CADM4: variants seen among roughly 807,000 people sequenced by gnomAD.
CADM4 encodes cell adhesion molecule 4.
A neutral mutation model predicts 43.9 loss-of-function variants in CADM4; 13 were observed. The ratio of observed to expected loss-of-function variants is 0.30; its 90% CI spans 0.19 to 0.47. CADM4 has a LOEUF of 0.47. Among genes scored for constraint, CADM4 ranks in the 20% least tolerant of loss-of-function variants. The pLI is 1.00. For missense variants in CADM4, 420 were observed against 527.0 expected, an observed-to-expected ratio of 0.80 and a Z score of 1.99; for synonymous variants, 209 against 220.9, an observed-to-expected ratio of 0.95 and a Z score of 0.48.
chr19:43,626,448 C>T lies in CADM4; in HGVS notation c.500-160G>A, dbSNP rs973818402. Among the ~76,000 whole-genome samples the T allele has an allele frequency of 3.9e-5, 6 of 152,104 alleles. No individual in the cohort carries two copies. The highest frequency in any genetic ancestry group is 7.3e-5 in the Non-Finnish European group (5 of 68,036). ...TACGCCCCTCCCCTAACCAAGCCCA[C>T]GTGCCTCCTCCCAAAGCTCTTCCCT... On this transcript the variant is annotated intron_variant, in intron 4 of 8. Transcript: ENST00000222374. The surrounding 1 kb of genome is among the most constrained non-coding windows in gnomAD (Gnocchi z 5.9).
Position 43,627,115 on chromosome 19 carries a change from A to T in CADM4, c.364+51T>A. On this transcript the variant is annotated intron_variant, in intron 3 of 8. Transcript: ENST00000222374. This position sits in a 1 kb window ranked among gnomAD's most constrained non-coding sequence, Gnocchi z 4.0. ...TCTGAAAGTCTCAGGAGAAGAGAGA[A>T]GCAGAGAAGAAAGGAGGAGAGGATG... 10 of 1,518,912 alleles carry T rather than the reference A, an allele frequency of 6.6e-6. No individual in the cohort carries two copies. Among genetic ancestry groups the T allele is most frequent in the Non-Finnish European group, 8.9e-6 (10 of 1,129,370 alleles). The allele number at this position is 1,518,912 out of a possible 1,614,324, so 94.1% of individuals were successfully genotyped here.
upstream of CADM4, among the ~76,000 whole-genome samples, chr19:43,641,583 G>T (rs58181910): frequency 6.6e-6 from 1 of 152,094 alleles, no homozygotes; most frequent in Non-Finnish European, 1.5e-5. Context: ...TGTCCTCAGG[G>T]TCCAAGCTCC....
At position 43,626,398 on chromosome 19, in the gene CADM4, A is replaced by T. The variant is rs2146138707; in HGVS notation, c.500-110T>A. ...TTGCCAAGCTCCACCCCTTACCCAC[A>T]GGCCCCGCCTCTTGTCCTCCAAGCT... On this transcript the variant is annotated intron_variant, in intron 4 of 8. Coordinates refer to ENST00000222374, the MANE Select transcript of CADM4 (RefSeq NM_145296.2). The surrounding 1 kb of genome is among the most constrained non-coding windows in gnomAD (Gnocchi z 5.9). The T allele has an allele frequency of 2.2e-6, 3 of 1,333,614 alleles. No individual in the cohort carries two copies. The highest frequency in any genetic ancestry group is 2.8e-5 in the South Asian group (2 of 72,718). 82.6% of individuals were successfully genotyped at this position (1,333,614 alleles called of 1,614,324 possible). A position where few individuals can be genotyped will look rare whatever the true frequency, so the allele number is the denominator to read the frequency against.
intron 1 of CADM4, among the ~76,000 whole-genome samples, chr19:43,634,475 C>A (rs986641970): frequency 6.6e-6 from 1 of 152,108 alleles, no homozygotes; most frequent in Admixed American, 6.5e-5. Flanking sequence ...CCCCTGCTCT[C>A]TGCTTGAGGG....
At chr19:43,631,138 C>T (rs1973617781) in intron 1 of CADM4, among the ~76,000 whole-genome samples, 1 of 151,960 alleles carries the variant, frequency 6.6e-6, no homozygotes, top group Non-Finnish European at 1.5e-5. Flanking sequence ...GTCAGGAGTT[C>T]GAGACCAGCC....
intron 1 of CADM4, among the ~76,000 whole-genome samples, chr19:43,636,792 TG>T (rs371571994): frequency 1.1e-4 from 1 of 9,090 alleles, no homozygotes; most frequent in East Asian, 3.8e-3. Context: ...GGTGGGTGGG[TG>T]GGGGGGTCAG....
upstream of CADM4, among the ~76,000 whole-genome samples, chr19:43,641,155 G>A (rs1313490272): frequency 2.6e-5 from 4 of 152,128 alleles, no homozygotes; most frequent in Non-Finnish European, 5.9e-5. Flanking sequence ...TTTTAGTAGA[G>A]ACGGAGTTTT....
chr19:43,632,403 G>A (rs1973638444), intron 1 of CADM4, among the ~76,000 whole-genome samples: 1 of 152,088 alleles, frequency 6.6e-6, no homozygotes, highest in Non-Finnish European at 1.5e-5. Context: ...CCACCCAGTG[G>A]CCGGATCGAT....
chr19:43,626,351 A>T lies in CADM4; in HGVS notation c.500-63T>A. Reference sequence around the variant, plus strand: ...CCGGCTCCATCCACCCACCCACCCGAGCCAACGCCAAAGCAGGCTATTTGC... The same window carrying T: ...CCGGCTCCATCCACCCACCCACCCGTGCCAACGCCAAAGCAGGCTATTTGC... On this transcript the variant is annotated intron_variant, in intron 4 of 8. Transcript: ENST00000222374. The surrounding 1 kb of genome is among the most constrained non-coding windows in gnomAD (Gnocchi z 5.9). 1 of 1,576,822 alleles carries T rather than the reference A, an allele frequency of 6.3e-7. No homozygotes were observed. The highest frequency in any genetic ancestry group is 1.1e-5 in the South Asian group (1 of 88,882).
At position 43,625,256 on chromosome 19, in the gene CADM4, T is replaced by C; in HGVS notation, c.756-6A>G. On this transcript the variant is annotated splice_region_variant and splice_polypyrimidine_tract_variant and intron_variant, in intron 6 of 8. Coordinates refer to ENST00000222374, the MANE Select transcript of CADM4 (RefSeq NM_145296.2). The surrounding 1 kb of genome is among the most constrained non-coding windows in gnomAD (Gnocchi z 4.5). ...TCCAGCGGATCTGGTTTGGCCTGGG[T>C]GGGGATAAAGTATAGTGAGAGTTAG... The C allele has an allele frequency of 6.2e-7, 1 of 1,612,960 alleles. No homozygotes were observed. The highest frequency in any genetic ancestry group is 8.5e-7 in the Non-Finnish European group (1 of 1,179,404).
chr19:43,625,022 G>T lies in CADM4; in HGVS notation c.928+56C>A. 8 of 223,560 alleles carry T rather than the reference G, an allele frequency of 3.6e-5. No individual in the cohort carries two copies. Among genetic ancestry groups the T allele is most frequent in the South Asian group, 2.6e-4 (4 of 15,446 alleles). 13.8% of individuals were successfully genotyped at this position (223,560 alleles called of 1,614,324 possible). The stretch of plus-strand genomic sequence containing the variant: ...TATGTGGCCTCTTTGCTCAAGCCCC[G>T]CCCCCGCCACCTGGCGCCCCGCCCC... On this transcript the variant is annotated intron_variant, in intron 7 of 8. Transcript: ENST00000222374. The surrounding 1 kb of genome is among the most constrained non-coding windows in gnomAD (Gnocchi z 4.5).
Position 43,623,577 on chromosome 19 carries a change from A to AGGCAGAGAAAGAGGTAAACAGT in CADM4, c.1058-160_1058-139dup. 2.9e-6 allele frequency: 2 copies of AGGCAGAGAAAGAGGTAAACAGT among 683,100 alleles called. No homozygotes were observed. Among genetic ancestry groups the AGGCAGAGAAAGAGGTAAACAGT allele is most frequent in the Non-Finnish European group, 5.3e-6 (2 of 374,666 alleles). The allele number at this position is 683,100 out of a possible 1,614,324, so 42.3% of individuals were successfully genotyped here. ...AGGGAGAAACGGAACACACAGGGAGAGGCAGAGAAAGAGGTAAACAGTGGC... is the reference window on the plus strand; with the variant it reads ...AGGGAGAAACGGAACACACAGGGAGAGGCAGAGAAAGAGGTAAACAGTGGCAGAGAAAGAGGTAAACAGTGGC... On this transcript the variant is annotated intron_variant, in intron 8 of 8. Coordinates refer to ENST00000222374, the MANE Select transcript of CADM4 (RefSeq NM_145296.2). The surrounding 1 kb of genome is among the most constrained non-coding windows in gnomAD (Gnocchi z 4.4).
At chr19:43,636,070 C>G (rs1973700400) in intron 1 of CADM4, among the ~76,000 whole-genome samples, 1 of 151,988 alleles carries the variant, frequency 6.6e-6, no homozygotes, top group Non-Finnish European at 1.5e-5. Context: ...TCAGATCCAG[C>G]CCCTCCTCTC....
intron 1 of CADM4, among the ~76,000 whole-genome samples, chr19:43,633,656 T>TTCTC: frequency 6.9e-6 from 1 of 144,230 alleles, no homozygotes; most frequent in East Asian, 2.0e-4. Context: ...CTTTCTCTCT[T>TTCTC]TCTCTCTCTC....
Position 43,626,590 on chromosome 19 carries a change from T to C in CADM4, c.499+194A>G, listed in dbSNP as rs1973532204. Among the ~76,000 whole-genome samples, 1 of 152,194 alleles carries C rather than the reference T, an allele frequency of 6.6e-6. No individual in the cohort carries two copies. The highest frequency in any genetic ancestry group is 6.5e-5 in the Admixed American group (1 of 15,278). ...CACAATGTTGGGCAGGTTGAACTCC[T>C]GACCTCAAGCAATCCTCCCATCTCA... On this transcript the variant is annotated intron_variant, in intron 4 of 8. Transcript: ENST00000222374. The surrounding 1 kb of genome is among the most constrained non-coding windows in gnomAD (Gnocchi z 5.9).
At chr19:43,641,905 C>G (rs1255158107), upstream of CADM4, among the ~76,000 whole-genome samples, 1 of 152,206 alleles carries the variant, frequency 6.6e-6, no homozygotes, top group Non-Finnish European at 1.5e-5. Context: ...TGTGCTCTGA[C>G]AGATGTCTCC....
Position 43,626,831 on chromosome 19 carries a change from C to T in CADM4, c.452G>A (p.Arg151His). 2 of 1,610,328 alleles carry T rather than the reference C, an allele frequency of 1.2e-6. No homozygotes were observed. The highest frequency in any genetic ancestry group is 1.7e-6 in the Non-Finnish European group (2 of 1,178,222). Reference sequence around the variant, plus strand: ...GTACCAGCGCAGGGTGGCAGCCGGACGGGACCGCGGAACGAGGCAGCTGAG... The same window carrying T: ...GTACCAGCGCAGGGTGGCAGCCGGATGGGACCGCGGAACGAGGCAGCTGAG... ...VELSCLVPRS[R>H]PAATLRWYRD... is the part of the protein sequence containing the mutation. The change falls in exon 4 of 9, where the codon CGT becomes CAT. Residue 151 changes from arginine to histidine, a missense_variant. Arg to His is a conservative substitution (Grantham distance 29). Coordinates refer to ENST00000222374, the MANE Select transcript of CADM4 (RefSeq NM_145296.2). The surrounding 1 kb of genome is among the most constrained non-coding windows in gnomAD (Gnocchi z 5.9).
chr19:43,627,283 A>C lies in CADM4; in HGVS notation c.247T>G (p.Ser83Ala). The C allele has an allele frequency of 1.2e-6, 2 of 1,608,170 alleles. No individual in the cohort carries two copies. The highest frequency in any genetic ancestry group is 1.7e-6 in the Non-Finnish European group (2 of 1,177,064). ...KDERFQLEEF[S>A]PRRVRIRLSD... Reference sequence around the variant, plus strand: ...AGCCGGATCCGCACCCGGCGTGGGGAGAACTCCTCAAGCTGGAAACGCTCA... The same window carrying C: ...AGCCGGATCCGCACCCGGCGTGGGGCGAACTCCTCAAGCTGGAAACGCTCA... Residue 83 changes from serine to alanine, a missense_variant, in exon 3 of 9, where the codon TCC (serine) becomes GCC (alanine). By Grantham distance (99) the Ser-to-Ala change is moderately conservative. Coordinates refer to ENST00000222374, the MANE Select transcript of CADM4 (RefSeq NM_145296.2). The surrounding 1 kb of genome is among the most constrained non-coding windows in gnomAD (Gnocchi z 4.0).
intron 1 of CADM4, among the ~76,000 whole-genome samples, chr19:43,637,983 A>T (rs1343102071): frequency 6.6e-6 from 1 of 152,190 alleles, no homozygotes; most frequent in Non-Finnish European, 1.5e-5. Flanking sequence ...CCAGGATTCT[A>T]TGAGCCTGGT....
Sources: allele counts gnomAD v4.1 joint callset (sites outside exome capture counted in the v4.1 genomes callset), GRCh38; gene constraint gnomAD v4.1.1; non-coding constraint Gnocchi (gnomAD v3.1); transcripts MANE v1.5; gene names NCBI Gene and HGNC (gene_info 2026-07-23, HGNC 2026-07-21).